ZBTB7C: variants seen among roughly 807,000 people sequenced by gnomAD.
ZBTB7C encodes zinc finger and BTB domain-containing protein 7C.
ZBTB7C carries 8 observed loss-of-function variants against 25.7 expected under a neutral mutation model. The observed-to-expected ratio is 0.31, with a 90% CI of 0.18 to 0.56. ZBTB7C has a LOEUF of 0.56. Among genes scored for constraint, ZBTB7C ranks in the 20% least tolerant of loss-of-function variants. ZBTB7C has a pLI of 0.91. For synonymous variants in ZBTB7C, 394 were observed against 369.0 expected (o/e 1.07, Z -0.78); for missense variants, 824 against 855.2 (o/e 0.96, Z 0.46).
At chr18:48,217,645 G>A (rs2145277329) in intron 2 of ZBTB7C, among the ~76,000 whole-genome samples, 1 of 152,220 alleles carries the variant, frequency 6.6e-6, no homozygotes, top group East Asian at 1.9e-4. Flanking sequence ...CTTCCTGGAA[G>A]ATGAAAGCCC....
chr18:48,244,285 G>A (rs1010788883), intron 2 of ZBTB7C, among the ~76,000 whole-genome samples: 12 of 152,086 alleles, frequency 7.9e-5, no homozygotes, highest in Non-Finnish European at 1.8e-4. Context: ...TGTGGTGGCA[G>A]GTGCCTGTAG....
In ZBTB7C at chr18:48,107,947, A is replaced by G. The variant is rs188466844; in HGVS notation, c.-16-66824T>C. On this transcript the variant is annotated intron_variant, in intron 3 of 4. Coordinates refer to ENST00000590800, the MANE Select transcript of ZBTB7C (RefSeq NM_001318841.2). ...CAAAAGAAGCCAGAGGTTCCCAGGG[A>G]TTGATTTTATGCCCAGCCAAATGAC... is the stretch of plus-strand genomic sequence containing the variant. Among the ~76,000 whole-genome samples, 195 of 152,248 alleles carry G rather than the reference A, an allele frequency of 1.3e-3. 2 individuals carry two copies. Among genetic ancestry groups the G allele is most frequent in the Admixed American group, 2.7e-3 (41 of 15,296 alleles).
chr18:48,071,736 A>C (rs11082646), intron 3 of ZBTB7C, among the ~76,000 whole-genome samples: 74,885 of 152,154 alleles, frequency 0.49, 18,653 homozygotes, highest in African/African-American at 0.53. Flanking sequence ...GTGGAAACAA[A>C]CCGAAGTCCA....
At chr18:48,214,975 G>C (rs2042787772) in intron 2 of ZBTB7C, among the ~76,000 whole-genome samples, 1 of 152,096 alleles carries the variant, frequency 6.6e-6, no homozygotes, top group South Asian at 2.1e-4. Flanking sequence ...GGATCATATG[G>C]TCTCCAACCT....
chr18:48,263,977 G>A (rs943585519), intron 2 of ZBTB7C, among the ~76,000 whole-genome samples: 1 of 150,410 alleles, frequency 6.6e-6, no homozygotes, highest in Non-Finnish European at 1.5e-5. Context: ...AAAATCTGGT[G>A]CAATATTTGG....
intron 1 of ZBTB7C, among the ~76,000 whole-genome samples, chr18:48,401,312 AG>A (rs1218114500): frequency 6.6e-6 from 1 of 152,196 alleles, no homozygotes; most frequent in Non-Finnish European, 1.5e-5. Flanking sequence ...CATAAATAAC[AG>A]TGGCTCCCCT....
At chr18:48,227,921 C>T (rs9646547) in intron 2 of ZBTB7C, among the ~76,000 whole-genome samples, 116,499 of 152,034 alleles carry the variant, frequency 0.77, 47,996 homozygotes, top group Non-Finnish European at 0.92. Flanking sequence ...AAGTGGTACA[C>T]TAAAGAGCAT....
intron 2 of ZBTB7C, among the ~76,000 whole-genome samples, chr18:48,264,872 G>A (rs993933764): frequency 6.6e-6 from 1 of 152,106 alleles, no homozygotes; most frequent in Non-Finnish European, 1.5e-5. Context: ...CAACCCCCAC[G>A]ACCACAAGCG....
intron 1 of ZBTB7C, chr18:48,408,555 G>C (rs2048334689): frequency 6.6e-6 from 1 of 152,228 alleles, no homozygotes; most frequent in Non-Finnish European, 1.5e-5. Context: ...GCGACACCTC[G>C]GGCAAGGACT....
At position 48,086,479 on chromosome 18, in the gene ZBTB7C, C is replaced by T. The variant is rs545287581; in HGVS notation, c.-16-45356G>A. On this transcript the variant is annotated intron_variant, in intron 3 of 4. Coordinates refer to ENST00000590800, the MANE Select transcript of ZBTB7C (RefSeq NM_001318841.2). ...CCATAATCTAGATCATTTTCTGTTT[C>T]CCTAACACCCCGTGTATGGTCCCAT... Among the ~76,000 whole-genome samples the T allele has an allele frequency of 2.4e-4, 37 of 152,304 alleles. No homozygotes were observed. The Middle Eastern group carries it at 0.01, about 42-fold the overall frequency.
intron 3 of ZBTB7C, among the ~76,000 whole-genome samples, chr18:48,168,867 A>T (rs2041363389): frequency 6.6e-6 from 1 of 152,254 alleles, no homozygotes; most frequent in African/African-American, 2.4e-5. Context: ...CAGAACACTT[A>T]TCACACCTTT....
chr18:48,185,353 A>G (rs185945728), intron 3 of ZBTB7C: 1 of 447,984 alleles, frequency 2.2e-6, no homozygotes, highest in East Asian at 7.3e-5. Context: ...TCTCATATGC[A>G]GGTGTCTTCT....
intron 3 of ZBTB7C, among the ~76,000 whole-genome samples, chr18:48,132,731 C>A (rs1016955566): frequency 1.4e-4 from 21 of 152,198 alleles, no homozygotes; most frequent in Admixed American, 2.0e-4. Context: ...GGAGCTGAGA[C>A]CACTGTCATC....
intron 3 of ZBTB7C, among the ~76,000 whole-genome samples, chr18:48,169,632 T>C (rs932884484): frequency 2.6e-5 from 4 of 152,220 alleles, no homozygotes; most frequent in African/African-American, 9.6e-5. Context: ...CTTTCTTCTT[T>C]ATCAAGGGCA....
At chr18:48,360,594 G>T (rs765788318) in intron 1 of ZBTB7C, among the ~76,000 whole-genome samples, 23 of 152,154 alleles carry the variant, frequency 1.5e-4, no homozygotes, top group Non-Finnish European at 3.2e-4. Context: ...GAGAGAACAC[G>T]GTAAGGGGCT....
chr18:48,103,078 T>TTA lies in ZBTB7C; in HGVS notation c.-16-61957_-16-61956dup, dbSNP rs1293434027. On this transcript the variant is annotated intron_variant, in intron 3 of 4. Coordinates refer to ENST00000590800, the MANE Select transcript of ZBTB7C (RefSeq NM_001318841.2). Reference sequence around the variant, plus strand: ...ATATCTTGTATATATATATTTTATATTATATATATCTTATATATATTATAT... The same window carrying TTA: ...ATATCTTGTATATATATATTTTATATTATATATATATCTTATATATATTATAT... Among the ~76,000 whole-genome samples the TTA allele has an allele frequency of 1.2e-4, 16 of 136,838 alleles. No individual in the cohort carries two copies. In the East Asian group the frequency reaches 3.4e-3, roughly 29 times the overall value. The allele number at this position is 136,838 out of a possible 152,430, so 89.8% of individuals were successfully genotyped here.
At chr18:48,033,991 A>G (rs1055352887) in intron 4 of ZBTB7C, among the ~76,000 whole-genome samples, 2 of 152,260 alleles carry the variant, frequency 1.3e-5, no homozygotes, top group Middle Eastern at 3.4e-3. Context: ...GCTTCTGCCA[A>G]ATCTCCTTCT....
intron 3 of ZBTB7C, among the ~76,000 whole-genome samples, chr18:48,165,920 TTCCCTCTTTTTAAAA>T (rs1283967470): frequency 6.6e-6 from 1 of 152,210 alleles, no homozygotes; most frequent in African/African-American, 2.4e-5. Context: ...AAGCTGATCT[TTCCCTCTTTTTAAAA>T]TGACCAGATA....
At chr18:48,366,940 C>G (rs530863121) in intron 1 of ZBTB7C, among the ~76,000 whole-genome samples, 1 of 151,794 alleles carries the variant, frequency 6.6e-6, no homozygotes, top group Non-Finnish European at 1.5e-5. Flanking sequence ...AAGGACACAC[C>G]GCACTGGTGA....
Sources: gnomAD v4.1 joint callset for allele counts (sites outside exome capture counted in the v4.1 genomes callset) on GRCh38, gnomAD v4.1.1 for gene constraint, MANE v1.5 for transcripts, NCBI Gene and HGNC (gene_info 2026-07-23, HGNC 2026-07-21) for gene names.